Variants in USP10 observed in about 807,000 individuals in gnomAD.
USP10 encodes ubiquitin carboxyl-terminal hydrolase 10.
A neutral mutation model predicts 84.5 loss-of-function variants in USP10; 22 were observed. That is an observed-to-expected ratio of 0.26 (90% CI 0.19 to 0.37). USP10 has a LOEUF of 0.37. USP10 is among the 10% of genes least tolerant of loss of function. The probability of loss-of-function intolerance (pLI) is 1.00; values close to 1 mark genes in which losing one functional copy is unlikely to be tolerated. For missense variants in USP10, 1,019 were observed against 998.9 expected, an observed-to-expected ratio of 1.02 and a Z score of -0.27; for synonymous variants, 454 against 387.6, an observed-to-expected ratio of 1.17 and a Z score of -2.01.
chr16:84,704,267 A>C (rs74032919), intron 1 of USP10, among the ~76,000 whole-genome samples: 181 of 152,338 alleles, frequency 1.2e-3, no homozygotes, highest in African/African-American at 4.2e-3. Flanking sequence ...TGCTGAGGAC[A>C]CTTATTACTG....
In USP10 at chr16:84,764,939, A is replaced by AAAT. The variant is rs370383030; in HGVS notation, c.1832+677_1832+678insATA. Among the ~76,000 whole-genome samples, 23 of 132,254 alleles carry AAAT rather than the reference A, an allele frequency of 1.7e-4. No homozygotes were observed. The East Asian group carries it at 2.9e-3, about 17-fold the overall frequency. The allele number at this position is 132,254 out of a possible 152,430, so 86.8% of individuals were successfully genotyped here. A position where few individuals can be genotyped will look rare whatever the true frequency, so the allele number is the denominator to read the frequency against. On this transcript the variant is annotated intron_variant, in intron 10 of 13. Coordinates refer to ENST00000219473, the MANE Select transcript of USP10 (RefSeq NM_005153.3). The stretch of plus-strand genomic sequence containing the variant: ...TAACCACGAGAGAGAGAGAAAAAAA[A>AAAT]ATATATATATATATATTAGACTTCA...
chr16:84,731,967 A>G (rs1279951159), intron 1 of USP10, among the ~76,000 whole-genome samples: 2 of 152,096 alleles, frequency 1.3e-5, no homozygotes, highest in African/African-American at 4.8e-5. Flanking sequence ...TCATTTCTGA[A>G]CCATTTTGAG....
At chr16:84,707,887 T>A (rs1037771559) in intron 1 of USP10, among the ~76,000 whole-genome samples, 2 of 151,988 alleles carry the variant, frequency 1.3e-5, no homozygotes, top group African/African-American at 2.4e-5. Flanking sequence ...GGGACCAGCC[T>A]GGGCAACGTA....
At chr16:84,760,506 C>T (rs1039220201) in intron 8 of USP10, among the ~76,000 whole-genome samples, 12 of 152,156 alleles carry the variant, frequency 7.9e-5, no homozygotes, top group Non-Finnish European at 4.4e-5. Flanking sequence ...CTCCTTGTTA[C>T]GGTTAAGAGA....
chr16:84,716,846 C>A (rs1331567257), intron 1 of USP10, among the ~76,000 whole-genome samples: 2 of 152,154 alleles, frequency 1.3e-5, no homozygotes, highest in Admixed American at 6.5e-5. Flanking sequence ...AAACTTATCC[C>A]AGCATAATTC....
At chr16:84,749,865 T>C (rs2150831516) in intron 4 of USP10, among the ~76,000 whole-genome samples, 1 of 152,320 alleles carries the variant, frequency 6.6e-6, no homozygotes, top group Non-Finnish European at 1.5e-5. Context: ...GGCCATCTCC[T>C]CGGTGTAGGT....
At chr16:84,709,710 T>G (rs1285234135) in intron 1 of USP10, among the ~76,000 whole-genome samples, 1 of 152,014 alleles carries the variant, frequency 6.6e-6, no homozygotes, top group African/African-American at 2.4e-5. Flanking sequence ...GACTGAATGT[T>G]GGGCAAAGCT....
intron 13 of USP10, among the ~76,000 whole-genome samples, chr16:84,776,488 G>A (rs975178806): frequency 5.9e-5 from 9 of 152,200 alleles, no homozygotes; most frequent in Non-Finnish European, 1.0e-4. Flanking sequence ...TGGGCACCAC[G>A]CGCTTGTGGG....
chr16:84,776,302 G>C (rs1446711944), intron 13 of USP10, among the ~76,000 whole-genome samples: 2 of 151,962 alleles, frequency 1.3e-5, no homozygotes, highest in African/African-American at 4.8e-5. Context: ...CAGGGGTGAG[G>C]GCCTAGCGGT....
intron 4 of USP10, among the ~76,000 whole-genome samples, chr16:84,750,816 A>T (rs1213477656): frequency 6.6e-6 from 1 of 152,210 alleles, no homozygotes; most frequent in Non-Finnish European, 1.5e-5. Flanking sequence ...AGAACTAGGA[A>T]AACTGAGCTC....
intron 1 of USP10, among the ~76,000 whole-genome samples, chr16:84,713,492 C>T (rs1468779269): frequency 1.3e-5 from 2 of 152,182 alleles, no homozygotes; most frequent in Non-Finnish European, 2.9e-5. Context: ...GTCTGGTTCA[C>T]TCTCTCGTCC....
At chr16:84,732,491 G>A (rs1018208598) in intron 1 of USP10, 3 of 383,482 alleles carry the variant, frequency 7.8e-6, no homozygotes, top group South Asian at 1.8e-5. Context: ...CTGTCGCCCC[G>A]GCTGGGGTGC....
At chr16:84,769,219 C>G (rs1038615756) in intron 11 of USP10, among the ~76,000 whole-genome samples, 1 of 152,176 alleles carries the variant, frequency 6.6e-6, no homozygotes, top group African/African-American at 2.4e-5. Context: ...CGTAGAAGAC[C>G]TGTCATCACA....
intron 11 of USP10, among the ~76,000 whole-genome samples, chr16:84,770,929 G>C (rs1317618728): frequency 6.6e-6 from 1 of 152,058 alleles, no homozygotes. Context: ...AACTGGGCAT[G>C]GTGGTGTGCA....
intron 4 of USP10, among the ~76,000 whole-genome samples, chr16:84,748,322 G>T (rs890088305): frequency 2.6e-5 from 4 of 151,850 alleles, no homozygotes; most frequent in Non-Finnish European, 4.4e-5. Flanking sequence ...CTTTATTTTT[G>T]AGAGGGGGTC....
Position 84,745,138 on chromosome 16 carries a change from C to A in USP10, c.657C>A (p.Val219=). ...GCCCCCAGAACTCCACAGACTCTGTCAGTGACATTGTGCCTGACAGTCCTT... is the reference window on the plus strand; with the variant it reads ...GCCCCCAGAACTCCACAGACTCTGTAAGTGACATTGTGCCTGACAGTCCTT... ...CNSPQNSTDS[V]SDIVPDSPFP... Residue 219 remains valine, a synonymous_variant, in exon 4 of 14, where the codon GTC becomes GTA. Coordinates refer to ENST00000219473, the MANE Select transcript of USP10 (RefSeq NM_005153.3). 1 of 1,613,536 alleles carries A rather than the reference C, an allele frequency of 6.2e-7. No individual in the cohort carries two copies. The highest frequency in any genetic ancestry group is 1.1e-5 in the South Asian group (1 of 91,058).
chr16:84,712,837 C>A (rs950040493), intron 1 of USP10, among the ~76,000 whole-genome samples: 2 of 152,146 alleles, frequency 1.3e-5, no homozygotes, highest in African/African-American at 4.8e-5. Context: ...GGTTTTATTC[C>A]TTGGTCTCTT....
chr16:84,772,461 C>T, intron 11 of USP10, 80 bp from the exon 12 acceptor site: 1 of 1,589,912 alleles, frequency 6.3e-7, no homozygotes, highest in Non-Finnish European at 8.6e-7. Context: ...CAGAGGACGT[C>T]TTTGAGCGGA....
At chr16:84,766,002 G>C (rs572087423) in intron 10 of USP10, among the ~76,000 whole-genome samples, 2 of 152,312 alleles carry the variant, frequency 1.3e-5, no homozygotes, top group African/African-American at 4.8e-5. Flanking sequence ...TCCTTTCTGA[G>C]GCCTTGCGGC....
Sources: allele counts gnomAD v4.1 joint callset (sites outside exome capture counted in the v4.1 genomes callset), GRCh38; gene constraint gnomAD v4.1.1; transcripts MANE v1.5; gene names NCBI Gene and HGNC (gene_info 2026-07-23, HGNC 2026-07-21).